Variants in MACROD2 observed in about 807,000 individuals in gnomAD.
The protein encoded by MACROD2 is ADP-ribose glycohydrolase MACROD2.
Under a neutral mutation model 70.4 loss-of-function variants are expected in MACROD2, and 36 were observed. The ratio of observed to expected loss-of-function variants is 0.51; its 90% CI spans 0.39 to 0.68. The LOEUF is 0.68. MACROD2 is among the 30% of genes least tolerant of loss of function. MACROD2 has a pLI of 0.00. For missense variants in MACROD2, 496 were observed against 538.4 expected (o/e 0.92, Z 0.78); for synonymous variants, 172 against 178.8 (o/e 0.96, Z 0.30).
chr20:14,138,608 T>C (rs190185242), intron 3 of MACROD2, among the ~76,000 whole-genome samples: 3 of 152,230 alleles, frequency 2.0e-5, no homozygotes, highest in Non-Finnish European at 4.4e-5. Context: ...GAATAGTGAT[T>C]GCCGGTGGCT....
At chr20:15,910,500 CA>C (rs2065221199) in intron 10 of MACROD2, among the ~76,000 whole-genome samples, 1 of 151,486 alleles carries the variant, frequency 6.6e-6, no homozygotes, top group Non-Finnish European at 1.5e-5. Context: ...CCACTAGATT[CA>C]AAAGTGGAGG....
chr20:14,903,928 T>G (rs1480319502), intron 5 of MACROD2, among the ~76,000 whole-genome samples: 1 of 152,138 alleles, frequency 6.6e-6, no homozygotes, highest in Non-Finnish European at 1.5e-5. Context: ...CTTCACATTC[T>G]CTCGCTGAGA....
At chr20:14,686,619 T>C (rs1205167150) in intron 5 of MACROD2, among the ~76,000 whole-genome samples, 1 of 152,206 alleles carries the variant, frequency 6.6e-6, no homozygotes, top group African/African-American at 2.4e-5. Flanking sequence ...TACAGTAACA[T>C]GCTGTACAGG....
intron 5 of MACROD2, among the ~76,000 whole-genome samples, chr20:14,778,651 A>C (rs1433962686): frequency 6.6e-6 from 1 of 152,116 alleles, no homozygotes; most frequent in Admixed American, 6.5e-5. Flanking sequence ...CATCGGAGCC[A>C]TCAAATTATA....
In MACROD2 at chr20:14,581,990, T is replaced by G. The variant is rs1981053682; in HGVS notation, c.301+88482T>G. ...TTCCTGATAGCATCCCCAGTAAGAT[T>G]AAACGTCAGTTGCTCACGTTAGTCA... On this transcript the variant is annotated intron_variant, in intron 4 of 17. Coordinates refer to ENST00000684519, the MANE Select transcript of MACROD2 (RefSeq NM_001351661.2). Among the ~76,000 whole-genome samples the G allele has an allele frequency of 3.3e-5, 5 of 152,312 alleles. No individual in the cohort carries two copies. In the South Asian group the frequency reaches 1.0e-3, roughly 32 times the overall value.
chr20:15,022,696 A>T (rs2075197564), intron 5 of MACROD2, among the ~76,000 whole-genome samples: 1 of 152,198 alleles, frequency 6.6e-6, no homozygotes, highest in African/African-American at 2.4e-5. Flanking sequence ...TTCTCATTAC[A>T]TAGCTTTATG....
rs539902243 is a variant in MACROD2, at chr20:15,261,454, T to C, written c.540+31393T>C. 1.9e-4 allele frequency among the ~76,000 whole-genome samples: 29 copies of C among 152,128 alleles called. No individual in the cohort carries two copies. The East Asian group carries it at 1.9e-3, about 10-fold the overall frequency. On this transcript the variant is annotated intron_variant, in intron 6 of 17. Coordinates refer to ENST00000684519, the MANE Select transcript of MACROD2 (RefSeq NM_001351661.2). Reference sequence around the variant, plus strand: ...GGATTAATAAGCAGGTTAAGTCTAATTGGCTTGCTTTGACTGAAGGGCTGA... The same window carrying C: ...GGATTAATAAGCAGGTTAAGTCTAACTGGCTTGCTTTGACTGAAGGGCTGA...
At chr20:14,845,839 G>A (rs1211105841) in intron 5 of MACROD2, among the ~76,000 whole-genome samples, 1 of 152,012 alleles carries the variant, frequency 6.6e-6, no homozygotes, top group Non-Finnish European at 1.5e-5. Flanking sequence ...TGGCTGACTT[G>A]TGGGCCATTA....
chr20:14,554,874 A>C (rs1978916172), intron 4 of MACROD2, among the ~76,000 whole-genome samples: 1 of 152,090 alleles, frequency 6.6e-6, no homozygotes, highest in South Asian at 2.1e-4. Context: ...GGAGAGTTTA[A>C]ATTTTTATAT....
At chr20:15,182,640 A>G (rs2076508400) in intron 5 of MACROD2, among the ~76,000 whole-genome samples, 1 of 152,178 alleles carries the variant, frequency 6.6e-6, no homozygotes, top group Non-Finnish European at 1.5e-5. Context: ...GTGTTCCCCT[A>G]GGCATCTCTT....
At chr20:15,078,811 A>G (rs994670695) in intron 5 of MACROD2, among the ~76,000 whole-genome samples, 3 of 151,090 alleles carry the variant, frequency 2.0e-5, no homozygotes, top group African/African-American at 7.3e-5. Flanking sequence ...ATGCCCAGCT[A>G]ATTTTTATAT....
chr20:15,479,905 C>T (rs1399564547), intron 7 of MACROD2, among the ~76,000 whole-genome samples: 2 of 152,126 alleles, frequency 1.3e-5, no homozygotes, highest in Non-Finnish European at 2.9e-5. Context: ...TATAAAAACA[C>T]CTATATGCAT....
At chr20:15,553,088 T>C (rs1453768949) in intron 8 of MACROD2, among the ~76,000 whole-genome samples, 1 of 152,224 alleles carries the variant, frequency 6.6e-6, no homozygotes, top group Non-Finnish European at 1.5e-5. Flanking sequence ...GCACAGGAAA[T>C]TATTCTTTTT....
chr20:15,895,921 C>G (rs998986054), intron 10 of MACROD2, among the ~76,000 whole-genome samples: 3 of 152,206 alleles, frequency 2.0e-5, no homozygotes, highest in African/African-American at 7.2e-5. Flanking sequence ...ACCACACATA[C>G]GGCACTTATT....
At chr20:15,167,834 A>T (rs2076396067) in intron 5 of MACROD2, among the ~76,000 whole-genome samples, 1 of 152,182 alleles carries the variant, frequency 6.6e-6, no homozygotes, top group Admixed American at 6.5e-5. Context: ...TCTACCAGGA[A>T]CAGAATTTCA....
At chr20:14,341,847 G>A (rs1480951939) in intron 3 of MACROD2, among the ~76,000 whole-genome samples, 1 of 152,120 alleles carries the variant, frequency 6.6e-6, no homozygotes, top group Non-Finnish European at 1.5e-5. Flanking sequence ...CTTAAAATAT[G>A]TCAATAAGAA....
intron 5 of MACROD2, among the ~76,000 whole-genome samples, chr20:15,116,371 G>A (rs751694971): frequency 6.6e-6 from 1 of 152,118 alleles, no homozygotes; most frequent in Non-Finnish European, 1.5e-5. Context: ...GGCCAGTCAC[G>A]GTGGCCCACG....
chr20:14,693,866 C>T (rs79672125), intron 5 of MACROD2, among the ~76,000 whole-genome samples: 5 of 152,268 alleles, frequency 3.3e-5, no homozygotes, highest in South Asian at 2.1e-4. Flanking sequence ...CGCAGAACCG[C>T]TTCTTAATAC....
At chr20:15,113,422 T>G (rs2075969815) in intron 5 of MACROD2, among the ~76,000 whole-genome samples, 1 of 152,174 alleles carries the variant, frequency 6.6e-6, no homozygotes, top group African/African-American at 2.4e-5. Context: ...TTAAAAGTCA[T>G]ATTGAATAAA....
Sources: allele counts gnomAD v4.1 joint callset (sites outside exome capture counted in the v4.1 genomes callset), GRCh38; gene constraint gnomAD v4.1.1; transcripts MANE v1.5; gene names NCBI Gene and HGNC (gene_info 2026-07-23, HGNC 2026-07-21).